Variants in KLF8 observed in about 807,000 individuals in gnomAD.
KLF8 encodes the protein Krueppel-like factor 8.
Under a neutral mutation model 18.2 loss-of-function variants are expected in KLF8, and 10 were observed. That is an observed-to-expected ratio of 0.55 (90% CI 0.34 to 0.93). The LOEUF is 0.93. Ranked by LOEUF, KLF8 falls within the 40% of genes least tolerant of loss-of-function variation. The pLI, the probability that KLF8 is intolerant of heterozygous loss-of-function variation, is 0.02. For missense variants in KLF8, 264 were observed against 277.9 expected (o/e 0.95, Z 0.36); for synonymous variants, 109 against 97.3 (o/e 1.12, Z -0.71).
the KLF8 span, among the ~76,000 whole-genome samples, chrX:56,134,063 C>G: frequency 9.0e-6 from 1 of 111,534 alleles, no homozygotes; most frequent in South Asian, 3.7e-4. Context: ...TGGGTAGAAT[C>G]AATATTGTGA....
At chrX:56,197,188 G>A in the KLF8 span, among the ~76,000 whole-genome samples, 1 of 110,319 alleles carries the variant, frequency 9.1e-6, no homozygotes, top group South Asian at 3.8e-4. Context: ...AACCACAGAA[G>A]CAACAGCAAA....
chrX:56,280,776 G>A (rs1486323613), intron 5 of KLF8, among the ~76,000 whole-genome samples: 1 of 111,879 alleles, frequency 8.9e-6, no homozygotes, highest in Non-Finnish European at 1.9e-5. Flanking sequence ...CTCAATAAAT[G>A]CTAGGTTTTA....
chrX:56,175,742 T>C, the KLF8 span, among the ~76,000 whole-genome samples: 1 of 111,361 alleles, frequency 9.0e-6, no homozygotes, highest in South Asian at 3.8e-4. Flanking sequence ...TAGGTCTCTT[T>C]GTAGGTCTCT....
At chrX:56,057,096 G>A in the KLF8 span, among the ~76,000 whole-genome samples, 1 of 111,925 alleles carries the variant, frequency 8.9e-6, no homozygotes, top group Non-Finnish European at 1.9e-5. Context: ...AGTTCGGCTT[G>A]GGGCCAAGGG....
chrX:55,956,851 C>T, the KLF8 span, among the ~76,000 whole-genome samples: 1 of 111,348 alleles, frequency 9.0e-6, no homozygotes, highest in African/African-American at 3.3e-5. Context: ...TATAAGTTGC[C>T]TTTTCAGTCT....
chrX:56,227,689 G>A (rs749238535), upstream of KLF8, among the ~76,000 whole-genome samples: 47 of 111,592 alleles, frequency 4.2e-4, no homozygotes, highest in African/African-American at 1.2e-3. Flanking sequence ...CCCTGACTCA[G>A]GAATATACAC....
chrX:56,237,467 A>G (rs2066491819), intron 1 of KLF8, among the ~76,000 whole-genome samples: 1 of 110,219 alleles, frequency 9.1e-6, no homozygotes, highest in African/African-American at 3.3e-5. Context: ...TTATACACAG[A>G]TAGTAACACA....
At chrX:56,178,144 C>T in the KLF8 span, among the ~76,000 whole-genome samples, 3 of 112,111 alleles carry the variant, frequency 2.7e-5, no homozygotes, top group African/African-American at 9.7e-5. Context: ...GTGAGGTGAA[C>T]CTGGTACCTC....
At chrX:56,014,376 A>G in the KLF8 span, among the ~76,000 whole-genome samples, 7 of 112,713 alleles carry the variant, frequency 6.2e-5, no homozygotes, top group Non-Finnish European at 1.3e-4. Context: ...ATATGGAAAC[A>G]AGCTCAACAT....
chrX:56,161,705 A>G, the KLF8 span, among the ~76,000 whole-genome samples: 6 of 111,139 alleles, frequency 5.4e-5, no homozygotes, highest in Non-Finnish European at 9.4e-5. Flanking sequence ...TCTTCACGCC[A>G]TGGGTTTGAA....
At chrX:56,189,084 G>A in the KLF8 span, among the ~76,000 whole-genome samples, 9 of 111,292 alleles carry the variant, frequency 8.1e-5, no homozygotes, top group Non-Finnish European at 1.5e-4. Flanking sequence ...TGAACAGGCA[G>A]CATACAAAAT....
At chrX:55,927,192 G>A in the KLF8 span, among the ~76,000 whole-genome samples, 1 of 112,014 alleles carries the variant, frequency 8.9e-6, no homozygotes, top group Non-Finnish European at 1.9e-5. Context: ...TTTTAAGCAA[G>A]ATAATTTTTT....
intron 2 of KLF8, among the ~76,000 whole-genome samples, chrX:56,253,772 T>TTTTTTTTTTTTTTTTTG: frequency 1.1e-5 from 1 of 91,137 alleles, no homozygotes; most frequent in African/African-American, 4.1e-5. Context: ...TTCTTTTTTT[T>TTTTTTTTTTTTTTTTTG]TTTTTTGAGA....
the KLF8 span, among the ~76,000 whole-genome samples, chrX:56,053,277 C>T: frequency 5.4e-5 from 6 of 111,801 alleles, no homozygotes; most frequent in African/African-American, 1.9e-4. Context: ...TTGGCTCCTC[C>T]CCCTATTTTT....
chrX:56,175,937 T>C, the KLF8 span, among the ~76,000 whole-genome samples: 1 of 111,655 alleles, frequency 9.0e-6, no homozygotes, highest in Non-Finnish European at 1.9e-5. Context: ...CTTTTTTTGT[T>C]TTCCATTTGC....
the KLF8 span, among the ~76,000 whole-genome samples, chrX:56,160,236 G>A: frequency 2.7e-5 from 3 of 111,948 alleles, no homozygotes; most frequent in Non-Finnish European, 5.6e-5. Context: ...TAGTTTGATT[G>A]CACTGTGGTC....
chrX:56,206,464 G>A, the KLF8 span, among the ~76,000 whole-genome samples: 1 of 112,118 alleles, frequency 8.9e-6, no homozygotes, highest in Non-Finnish European at 1.9e-5. Flanking sequence ...CAAAATGGGA[G>A]AAATTTGCCA....
At chrX:56,096,645 A>G in the KLF8 span, among the ~76,000 whole-genome samples, 3 of 111,508 alleles carry the variant, frequency 2.7e-5, no homozygotes, top group Admixed American at 9.6e-5. Context: ...TCAAAGAAGC[A>G]GAACAAATGT....
At chrX:56,062,124 A>T in the KLF8 span, among the ~76,000 whole-genome samples, 1 of 107,278 alleles carries the variant, frequency 9.3e-6, no homozygotes, top group Non-Finnish European at 1.9e-5. Flanking sequence ...CCAATTTTCC[A>T]GTCTGTGTCT....
Sources: gnomAD v4.1 joint callset for allele counts (sites outside exome capture counted in the v4.1 genomes callset) on GRCh38, gnomAD v4.1.1 for gene constraint, MANE v1.5 for transcripts, NCBI Gene and HGNC (gene_info 2026-07-23, HGNC 2026-07-21) for gene names.